The following RFX3 variants were observed in gnomAD, a reference collection of about 807,000 sequenced individuals.
RFX3 encodes the protein regulatory factor X3, also known as transcription factor RFX3.
RFX3 carries 14 observed loss-of-function variants against 98.6 expected under a neutral mutation model. That is an observed-to-expected ratio of 0.14 (90% confidence interval 0.09 to 0.22). The LOEUF (loss-of-function observed/expected upper bound fraction) is 0.22. RFX3 is among the 10% of genes least tolerant of loss of function. RFX3 has a pLI of 1.00. For missense variants in RFX3, 639 were observed against 926.9 expected, an observed-to-expected ratio of 0.69 and a Z score of 4.03; for synonymous variants, 383 against 328.4, an observed-to-expected ratio of 1.17 and a Z score of -1.80.
At chr9:3,333,435 GTTTT>G (rs774597966) in intron 3 of RFX3, among the ~76,000 whole-genome samples, 1 of 109,438 alleles carries the variant, frequency 9.1e-6, no homozygotes. Flanking sequence ...CATAGAAAAT[GTTTT>G]TTTTTTTTTT....
chr9:3,323,431 T>A (rs965887497), intron 4 of RFX3, among the ~76,000 whole-genome samples: 1 of 152,192 alleles, frequency 6.6e-6, no homozygotes, highest in African/African-American at 2.4e-5. Flanking sequence ...TTTTTATAAG[T>A]GAAGCATTAA....
At chr9:3,509,186 T>C (rs985800867) in intron 1 of RFX3, among the ~76,000 whole-genome samples, 1 of 151,952 alleles carries the variant, frequency 6.6e-6, no homozygotes, top group Non-Finnish European at 1.5e-5. Context: ...CATATATTCA[T>C]TCTGTTCATT....
At chr9:3,272,283 A>T (rs957016269) in intron 9 of RFX3, among the ~76,000 whole-genome samples, 3 of 152,184 alleles carry the variant, frequency 2.0e-5, no homozygotes, top group African/African-American at 4.8e-5. Context: ...ACAAAGATCT[A>T]TAAAATTCGT....
rs188468492 is a variant in RFX3, at chr9:3,432,842, C to T, written c.-8-37246G>A. On this transcript the variant is annotated intron_variant, in intron 1 of 16. Transcript: ENST00000617270. Reference sequence around the variant, plus strand: ...GACTTGGATGCTTCTATGACATGGGCGCTAAAACTAAAGTAAACAGTGGAA... The same window carrying T: ...GACTTGGATGCTTCTATGACATGGGTGCTAAAACTAAAGTAAACAGTGGAA... Among the ~76,000 whole-genome samples, 14 of 152,092 alleles carry T rather than the reference C, an allele frequency of 9.2e-5. No homozygotes were observed. In the East Asian group the frequency reaches 1.5e-3, roughly 17 times the overall value.
chr9:3,492,558 T>TG (rs1850802327), intron 1 of RFX3, among the ~76,000 whole-genome samples: 2 of 152,166 alleles, frequency 1.3e-5, no homozygotes, highest in Non-Finnish European at 2.9e-5. Context: ...TCATGACAGA[T>TG]GGAGATTCAG....
chr9:3,486,803 TATC>T (rs1436689521), intron 1 of RFX3, among the ~76,000 whole-genome samples: 1 of 152,184 alleles, frequency 6.6e-6, no homozygotes. Context: ...TATTAAACGT[TATC>T]ATGTTTTTGA....
chr9:3,402,767 T>C (rs963368413), intron 1 of RFX3, among the ~76,000 whole-genome samples: 16 of 151,966 alleles, frequency 1.1e-4, no homozygotes, highest in Middle Eastern at 6.9e-3. Context: ...TCTATAGCAA[T>C]TAAGATTTCT....
chr9:3,232,367 T>C (rs1271352384), intron 15 of RFX3, among the ~76,000 whole-genome samples: 2 of 152,130 alleles, frequency 1.3e-5, no homozygotes, highest in African/African-American at 4.8e-5. Context: ...CTGGCAGCCC[T>C]ATCTTGAGTA....
chr9:3,499,762 A>G (rs1312069201), intron 1 of RFX3, among the ~76,000 whole-genome samples: 2 of 152,168 alleles, frequency 1.3e-5, no homozygotes, highest in African/African-American at 2.4e-5. Flanking sequence ...CAAAGACCAC[A>G]CACACAAAAA....
intron 2 of RFX3, among the ~76,000 whole-genome samples, chr9:3,391,190 T>A (rs1029253182): frequency 7.9e-5 from 12 of 152,032 alleles, no homozygotes; most frequent in Non-Finnish European, 1.8e-4. Flanking sequence ...AGCAGCACAT[T>A]AACAATTCAA....
At chr9:3,292,365 A>C (rs562714514) in intron 6 of RFX3, among the ~76,000 whole-genome samples, 53 of 152,236 alleles carry the variant, frequency 3.5e-4, no homozygotes, top group African/African-American at 1.3e-3. Flanking sequence ...ACTCATATTT[A>C]TTTCCAAAGG....
intron 1 of RFX3, among the ~76,000 whole-genome samples, chr9:3,410,006 C>T (rs961499096): frequency 2.0e-5 from 3 of 152,072 alleles, no homozygotes; most frequent in Admixed American, 6.6e-5. Context: ...GCCTGACAGA[C>T]GCGCAAAGTG....
rs573523531 is a variant in RFX3, at chr9:3,373,817, G to A, written c.117+21655C>T. On this transcript the variant is annotated intron_variant, in intron 2 of 16. Transcript: ENST00000617270. ...GTACCAGCCAAGCACAGTGGCTCAC[G>A]CCTGTAATCCCAGCACTTTGGGAGG... Among the ~76,000 whole-genome samples the A allele has an allele frequency of 7.9e-5, 12 of 152,238 alleles. No individual in the cohort carries two copies. In the South Asian group the frequency reaches 1.7e-3, roughly 21 times the overall value.
intron 15 of RFX3, among the ~76,000 whole-genome samples, chr9:3,232,909 G>A (rs1237553917): frequency 6.6e-6 from 1 of 151,916 alleles, no homozygotes; most frequent in African/African-American, 2.4e-5. Flanking sequence ...ATAAATTAAG[G>A]GATTTTAAAA....
chr9:3,463,908 G>C (rs1311577852), intron 1 of RFX3, among the ~76,000 whole-genome samples: 1 of 152,084 alleles, frequency 6.6e-6, no homozygotes, highest in Non-Finnish European at 1.5e-5. Flanking sequence ...GGGAAGTCAA[G>C]GCTGCAGGGA....
intron 2 of RFX3, among the ~76,000 whole-genome samples, chr9:3,370,682 T>C (rs539447170): frequency 6.6e-6 from 1 of 152,122 alleles, no homozygotes; most frequent in South Asian, 2.1e-4. Flanking sequence ...CTGTGCACTT[T>C]ACTGTAAATA....
intron 1 of RFX3, among the ~76,000 whole-genome samples, chr9:3,405,212 C>A (rs368683307): frequency 8.3e-4 from 126 of 151,988 alleles, no homozygotes; most frequent in South Asian, 2.3e-3. Flanking sequence ...GAAAAAAAAA[C>A]CAAAACAAAC....
At chr9:3,429,138 T>G (rs908914043) in intron 1 of RFX3, among the ~76,000 whole-genome samples, 3 of 151,034 alleles carry the variant, frequency 2.0e-5, no homozygotes, top group Admixed American at 1.3e-4. Flanking sequence ...TTCTCCTGCC[T>G]CAGCCTCCCA....
intron 2 of RFX3, among the ~76,000 whole-genome samples, chr9:3,359,071 T>C (rs1836113589): frequency 1.3e-5 from 2 of 151,712 alleles, no homozygotes; most frequent in African/African-American, 2.4e-5. Flanking sequence ...TTTTCTGCCA[T>C]CCTTTAATCT....
Sources: allele counts gnomAD v4.1 joint callset (sites outside exome capture counted in the v4.1 genomes callset), GRCh38; gene constraint gnomAD v4.1.1; transcripts MANE v1.5; gene names NCBI Gene and HGNC (gene_info 2026-07-23, HGNC 2026-07-21).